Variants in RASGEF1C observed in about 807,000 individuals in gnomAD.
RASGEF1C encodes RasGEF domain family member 1C, also known as ras-GEF domain-containing family member 1C.
In RASGEF1C, 27 loss-of-function variants were observed where a neutral mutation model predicts 58.1. The observed-to-expected ratio is 0.46, with a 90% CI of 0.34 to 0.64. The LOEUF (loss-of-function observed/expected upper bound fraction) is 0.64. Among genes scored for constraint, RASGEF1C ranks in the 30% least tolerant of loss-of-function variants. The probability of loss-of-function intolerance (pLI) is 0.01; values close to 1 mark genes in which losing one functional copy is unlikely to be tolerated. For missense variants in RASGEF1C, 502 were observed against 605.1 expected (o/e 0.83, Z 1.79); for synonymous variants, 243 against 246.3 (o/e 0.99, Z 0.13).
chr5:180,116,688 C>T (rs914376201), intron 10 of RASGEF1C, among the ~76,000 whole-genome samples: 4 of 152,374 alleles, frequency 2.6e-5, no homozygotes, highest in East Asian at 3.9e-4. Flanking sequence ...CGTGTCCCAG[C>T]GGAGATGAAG....
chr5:180,170,137 G>C (rs189091171), intron 1 of RASGEF1C, among the ~76,000 whole-genome samples: 31 of 152,354 alleles, frequency 2.0e-4, no homozygotes, highest in African/African-American at 7.0e-4. Flanking sequence ...CCCAGCACTA[G>C]AGCAGGTTTC....
rs1470987767 is a variant in RASGEF1C at position 180,111,828 on chromosome 5, T to C, written c.1180-248A>G. Among the ~76,000 whole-genome samples the C allele has an allele frequency of 3.9e-5, 6 of 152,238 alleles. No individual in the cohort carries two copies. The South Asian group carries it at 6.2e-4, about 16-fold the overall frequency. On this transcript the variant is annotated intron_variant, in intron 11 of 13. Coordinates refer to ENST00000361132, the MANE Select transcript of RASGEF1C (RefSeq NM_175062.4). ...TCCTCTATGTATGGCAAGTGATACA[T>C]GTTTGTTGATTTATGTAATTATGCA...
chr5:180,192,748 TTG>T (rs1455711860), intron 1 of RASGEF1C, among the ~76,000 whole-genome samples: 1 of 94,004 alleles, frequency 1.1e-5, no homozygotes, highest in Non-Finnish European at 2.6e-5. Context: ...TTTTTGTTTT[TTG>T]TTTTTTTTTT....
At chr5:180,112,333 G>A (rs1765971952) in intron 11 of RASGEF1C, among the ~76,000 whole-genome samples, 2 of 152,230 alleles carry the variant, frequency 1.3e-5, no homozygotes. Flanking sequence ...AGCATGTGAC[G>A]GTCTGCTGGG....
At chr5:180,194,243 G>A (rs1169526790) in intron 1 of RASGEF1C, among the ~76,000 whole-genome samples, 2 of 152,136 alleles carry the variant, frequency 1.3e-5, no homozygotes, top group Non-Finnish European at 2.9e-5. Context: ...CACGGATCGC[G>A]TTCATTATAT....
intron 1 of RASGEF1C, among the ~76,000 whole-genome samples, chr5:180,182,899 C>G (rs1340022667): frequency 6.6e-6 from 1 of 152,166 alleles, no homozygotes; most frequent in African/African-American, 2.4e-5. Context: ...GATTCCTACT[C>G]CCTGGTGTAC....
intron 6 of RASGEF1C, among the ~76,000 whole-genome samples, chr5:180,121,779 C>T (rs1237451404): frequency 6.6e-6 from 1 of 152,066 alleles, no homozygotes; most frequent in Non-Finnish European, 1.5e-5. Context: ...GTCGTCTGTA[C>T]ACACGTGTGC....
chr5:180,161,115 A>G (rs538543300), intron 1 of RASGEF1C, among the ~76,000 whole-genome samples: 1 of 152,348 alleles, frequency 6.6e-6, no homozygotes, highest in East Asian at 1.9e-4. Flanking sequence ...GTGGTGGCAG[A>G]GAGCAGAGAA....
At position 180,124,402 on chromosome 5, in the gene RASGEF1C, C is replaced by T. The variant is rs182033888; in HGVS notation, c.714+3207G>A. ...TCAGAAGGGGAAATAACAGTTCAGT[C>T]TCACTGACGATTATAGTTGCAGAAA... On this transcript the variant is annotated intron_variant, in intron 6 of 13. Coordinates refer to ENST00000361132, the MANE Select transcript of RASGEF1C (RefSeq NM_175062.4). Among the ~76,000 whole-genome samples the T allele has an allele frequency of 9.8e-5, 15 of 152,306 alleles. No individual in the cohort carries two copies. The East Asian group carries it at 2.9e-3, about 29-fold the overall frequency.
At chr5:180,160,803 C>A (rs982557822) in intron 1 of RASGEF1C, among the ~76,000 whole-genome samples, 12 of 152,058 alleles carry the variant, frequency 7.9e-5, no homozygotes, top group Non-Finnish European at 2.9e-5. Context: ...CCAGGCAGAC[C>A]CCTGGTATAT....
intron 1 of RASGEF1C, among the ~76,000 whole-genome samples, chr5:180,149,576 C>T (rs1766713518): frequency 6.6e-6 from 1 of 151,866 alleles, no homozygotes; most frequent in Non-Finnish European, 1.5e-5. Flanking sequence ...CTGCCTCGGC[C>T]TCCCAAGTAG....
intron 1 of RASGEF1C, among the ~76,000 whole-genome samples, chr5:180,176,600 A>G (rs1767228818): frequency 7.0e-6 from 1 of 143,256 alleles, no homozygotes; most frequent in African/African-American, 2.6e-5. Context: ...TCTGTCGCCC[A>G]GGCTGGAGTG....
intron 3 of RASGEF1C, chr5:180,136,753 T>A: frequency 1.8e-6 from 1 of 550,680 alleles, no homozygotes; most frequent in Non-Finnish European, 3.2e-6. Flanking sequence ...GACGGCTCCA[T>A]CCTCCCTGGT....
chr5:180,114,488 C>G lies in RASGEF1C; in HGVS notation c.1137G>C (p.Glu379Asp). 1 of 1,613,032 alleles carries G rather than the reference C, an allele frequency of 6.2e-7. No homozygotes were observed. Among genetic ancestry groups the G allele is most frequent in the Non-Finnish European group, 8.5e-7 (1 of 1,179,278 alleles). Residue 379 changes from glutamate to aspartate, a missense_variant, in exon 11 of 14, where the codon GAG becomes GAC. Transcript: ENST00000361132. The part of the protein sequence containing the change: ...LLIKDIYFLN[E>D]GCANRLPNGH... ...CATTGGGAAGGCGGTTGGCGCAGCC[C>G]TCATTCAGGAAGTAGATGTCTTTGA... is the stretch of plus-strand genomic sequence containing the variant.
At chr5:180,135,397 C>G (rs965707187) in intron 4 of RASGEF1C, 1 of 152,236 alleles carries the variant, frequency 6.6e-6, no homozygotes, top group Non-Finnish European at 1.5e-5. Flanking sequence ...CTGCCATGTC[C>G]AGACCTACTC....
rs555645481 is a variant in RASGEF1C at position 180,207,723 on chromosome 5, A to G, written c.-7+1305T>C. Among the ~76,000 whole-genome samples, 879 of 152,186 alleles carry G rather than the reference A, an allele frequency of 5.8e-3. 10 individuals are homozygous for G. Among genetic ancestry groups the G allele is most frequent in the African/African-American group, 0.02 (837 of 41,542 alleles). ...CCTGCAAACCGCCTGGGGGCTGCCC[A>G]GGACGTCCAGACCCTGTAGCGTCTC... On this transcript the variant is annotated intron_variant, in intron 1 of 13. Coordinates refer to ENST00000361132, the MANE Select transcript of RASGEF1C (RefSeq NM_175062.4).
chr5:180,203,507 A>C (rs1756430916), intron 1 of RASGEF1C, among the ~76,000 whole-genome samples: 1 of 152,214 alleles, frequency 6.6e-6, no homozygotes, highest in African/African-American at 2.4e-5. Flanking sequence ...CAACCACATG[A>C]GTGGAGAAGC....
intron 6 of RASGEF1C, among the ~76,000 whole-genome samples, chr5:180,122,233 C>G (rs1181892397): frequency 6.6e-6 from 1 of 152,220 alleles, no homozygotes; most frequent in Non-Finnish European, 1.5e-5. Flanking sequence ...TGCTCCCTCA[C>G]TCGGTGCTGC....
rs114001427 is a variant in RASGEF1C at position 180,172,363 on chromosome 5, G to C, written c.-6-34305C>G. Reference sequence around the variant, plus strand: ...AGGCAGGAACGGCCACCTGGCCTGGGATGCCCAGCTCTCTACTGCTGCGTG... The same window carrying C: ...AGGCAGGAACGGCCACCTGGCCTGGCATGCCCAGCTCTCTACTGCTGCGTG... On this transcript the variant is annotated intron_variant, in intron 1 of 13. Transcript: ENST00000361132. 3.2e-3 allele frequency among the ~76,000 whole-genome samples: 486 copies of C among 152,234 alleles called. 5 individuals are homozygous for C. The highest frequency in any genetic ancestry group is 0.011 in the African/African-American group (446 of 41,538).
Sources: gnomAD v4.1 joint callset for allele counts (sites outside exome capture counted in the v4.1 genomes callset) on GRCh38, gnomAD v4.1.1 for gene constraint, MANE v1.5 for transcripts, NCBI Gene and HGNC (gene_info 2026-07-23, HGNC 2026-07-21) for gene names.